The following RORB variants were observed in gnomAD, a reference collection of about 807,000 sequenced individuals.
RORB encodes the protein nuclear receptor ROR-beta.
Under a neutral mutation model 59.1 loss-of-function variants are expected in RORB, and 6 were observed. The observed-to-expected ratio is 0.10, with a 90% confidence interval of 0.06 to 0.20. The LOEUF is 0.20. Ranked by LOEUF, RORB falls within the 10% of genes least tolerant of loss-of-function variation. The probability of loss-of-function intolerance (pLI) is 1.00; values close to 1 mark genes in which losing one functional copy is unlikely to be tolerated. For missense variants in RORB, 320 were observed against 560.5 expected, an observed-to-expected ratio of 0.57 and a Z score of 4.33; for synonymous variants, 215 against 204.5, an observed-to-expected ratio of 1.05 and a Z score of -0.44.
At position 74,534,595 on chromosome 9, in the gene RORB, GA is replaced by G. The variant is rs34813736; in HGVS notation, c.7+36617del. Among the ~76,000 whole-genome samples the G allele has an allele frequency of 2.6e-5, 4 of 151,988 alleles. No individual in the cohort carries two copies. In the East Asian group the frequency reaches 7.8e-4, roughly 30 times the overall value. On this transcript the variant is annotated intron_variant, in intron 1 of 9. Coordinates refer to ENST00000376896, the MANE Select transcript of RORB (RefSeq NM_006914.4). ...GATGCTAATTCTAATTAGCAGTCTG[GA>G]AAAAGTCAGACTGAGTTCTGGGTGA... is the stretch of plus-strand genomic sequence containing the variant.
rs1334827494 is a variant in RORB, at chr9:74,686,015, C to A, written c.*397C>A. The stretch of plus-strand genomic sequence containing the variant: ...AAGAAAATTCCACTTAATAGGCTTA[C>A]CTATTTCTATGTTTTTAGGTAGTTG... On this transcript the variant is annotated 3_prime_UTR_variant, in exon 10 of 10. Coordinates refer to ENST00000376896, the MANE Select transcript of RORB (RefSeq NM_006914.4). 1 of 154,140 alleles carries A rather than the reference C, an allele frequency of 6.5e-6. No individual in the cohort carries two copies. The highest frequency in any genetic ancestry group is 1.4e-5 in the Non-Finnish European group (1 of 69,258). The allele number at this position is 154,140 out of a possible 1,614,324, so 9.5% of individuals were successfully genotyped here. A position where few individuals can be genotyped will look rare whatever the true frequency, so the allele number is the denominator to read the frequency against.
intron 1 of RORB, among the ~76,000 whole-genome samples, chr9:74,549,077 C>T (rs977314642): frequency 2.6e-5 from 4 of 152,166 alleles, no homozygotes; most frequent in Non-Finnish European, 5.9e-5. Flanking sequence ...TGTTTAAAAA[C>T]TTTTGAAATA....
At chr9:74,660,826 G>T in intron 5 of RORB, 88 bp downstream of exon 5, 12 of 1,370,238 alleles carry the variant, frequency 8.8e-6, no homozygotes, top group Non-Finnish European at 1.2e-5. Flanking sequence ...GTTGCACTGG[G>T]CAATTCTTTT....
intron 1 of RORB, among the ~76,000 whole-genome samples, chr9:74,571,744 T>G (rs781258996): frequency 7.9e-5 from 12 of 152,214 alleles, no homozygotes; most frequent in Non-Finnish European, 1.5e-5. Context: ...AATGTCATGC[T>G]CCTATAGTTT....
intron 6 of RORB, 79 bp from the exon 7 acceptor site, chr9:74,665,409 A>G (rs1320206837): frequency 1.3e-6 from 1 of 761,556 alleles, no homozygotes; most frequent in East Asian, 2.8e-5. Flanking sequence ...TCTCTTACCT[A>G]TATGCAGTAA....
At chr9:74,603,674 C>A (rs10869426) in intron 1 of RORB, among the ~76,000 whole-genome samples, 3 of 151,942 alleles carry the variant, frequency 2.0e-5, no homozygotes, top group Non-Finnish European at 4.4e-5. Context: ...TTACTTAGTC[C>A]ATTACTAGGA....
chr9:74,665,234 T>C (rs1824246578), intron 6 of RORB, among the ~76,000 whole-genome samples: 1 of 152,180 alleles, frequency 6.6e-6, no homozygotes, highest in Non-Finnish European at 1.5e-5. Context: ...ATTAAATTGG[T>C]GCAAATATAT....
At position 74,538,002 on chromosome 9, in the gene RORB, GT is replaced by G. The variant is rs537673832; in HGVS notation, c.7+40022del. 7.1e-4 allele frequency among the ~76,000 whole-genome samples: 108 copies of G among 152,126 alleles called. 2 individuals carry two copies. In the Middle Eastern group the frequency reaches 0.01, roughly 14 times the overall value. The stretch of plus-strand genomic sequence containing the variant: ...GTCCTGCAAGCTCCACTAATGGTAA[GT>G]TTCCTATATAGGTGTACCACTTTTA... On this transcript the variant is annotated intron_variant, in intron 1 of 9. Transcript: ENST00000376896.
At chr9:74,551,225 C>T (rs138956076) in intron 1 of RORB, among the ~76,000 whole-genome samples, 1,871 of 152,238 alleles carry the variant, frequency 0.012, 43 homozygotes, top group African/African-American at 0.042. Context: ...TAGTAGTAAA[C>T]CCTATATACA....
intron 1 of RORB, among the ~76,000 whole-genome samples, chr9:74,548,333 A>G (rs1361889078): frequency 6.6e-6 from 1 of 152,074 alleles, no homozygotes; most frequent in African/African-American, 2.4e-5. Context: ...ATTTTTTTAT[A>G]TTTGGAAAGA....
At chr9:74,558,260 A>G (rs1822337901) in intron 1 of RORB, among the ~76,000 whole-genome samples, 2 of 152,050 alleles carry the variant, frequency 1.3e-5, no homozygotes, top group South Asian at 4.2e-4. Context: ...CTGTGTGCCT[A>G]CGGTTTGAAA....
At chr9:74,629,877 T>C (rs998546296) in intron 1 of RORB, among the ~76,000 whole-genome samples, 1 of 152,198 alleles carries the variant, frequency 6.6e-6, no homozygotes, top group Non-Finnish European at 1.5e-5. Flanking sequence ...TTATTTTAAA[T>C]ATCACTGAGG....
intron 4 of RORB, among the ~76,000 whole-genome samples, chr9:74,644,661 A>T (rs1215393728): frequency 6.6e-6 from 1 of 152,172 alleles, no homozygotes; most frequent in African/African-American, 2.4e-5. Context: ...AAGAGGGAAA[A>T]GGCACCTTCC....
At chr9:74,570,242 C>G (rs576212633) in intron 1 of RORB, among the ~76,000 whole-genome samples, 1 of 151,996 alleles carries the variant, frequency 6.6e-6, no homozygotes, top group Non-Finnish European at 1.5e-5. Flanking sequence ...TTACGTGTAT[C>G]AATTTATTTA....
chr9:74,615,764 T>A (rs1414945489), intron 1 of RORB: 1 of 284,418 alleles, frequency 3.5e-6, no homozygotes, highest in East Asian at 9.4e-5. Context: ...GACAAAAAAA[T>A]ATTTTCTGAC....
In RORB at chr9:74,626,526, A is replaced by G. The variant is rs190165911; in HGVS notation, c.8-3756A>G. On this transcript the variant is annotated intron_variant, in intron 1 of 9. Coordinates refer to ENST00000376896, the MANE Select transcript of RORB (RefSeq NM_006914.4). The stretch of plus-strand genomic sequence containing the variant: ...ATAAACCTCACTCAAGCCATCTCTC[A>G]GGGCATTTCAGTTCCTCTAAGTTTG... 5.7e-3 allele frequency among the ~76,000 whole-genome samples: 864 copies of G among 152,336 alleles called. 11 individuals carry two copies. Among genetic ancestry groups the G allele is most frequent in the African/African-American group, 0.02 (820 of 41,570 alleles).
At chr9:74,685,195 A>T (rs1175781853) in intron 9 of RORB, among the ~76,000 whole-genome samples, 1 of 132,432 alleles carries the variant, frequency 7.6e-6, no homozygotes, top group Non-Finnish European at 1.5e-5. Flanking sequence ...AACCTCTCAT[A>T]TATACTTATT....
intron 1 of RORB, among the ~76,000 whole-genome samples, chr9:74,564,214 G>A (rs1183072900): frequency 6.6e-6 from 1 of 151,968 alleles, no homozygotes; most frequent in Non-Finnish European, 1.5e-5. Context: ...CTGTAAAGAT[G>A]GTGTTCTAAC....
intron 4 of RORB, among the ~76,000 whole-genome samples, chr9:74,653,239 C>A (rs1256891101): frequency 6.6e-6 from 1 of 152,096 alleles, no homozygotes; most frequent in Non-Finnish European, 1.5e-5. Context: ...TTATGAAAAC[C>A]TAATGTAGGC....
Sources: gnomAD v4.1 joint callset for allele counts (sites outside exome capture counted in the v4.1 genomes callset) on GRCh38, gnomAD v4.1.1 for gene constraint, MANE v1.5 for transcripts, NCBI Gene and HGNC (gene_info 2026-07-23, HGNC 2026-07-21) for gene names.